The following LOC400499 variants were observed in gnomAD, a reference collection of about 807,000 sequenced individuals.
the LOC400499 span, among the ~76,000 whole-genome samples, chr16:11,486,410 AGATGGATGGATGGATGGATGGATG>A: frequency 2.4e-5 from 2 of 82,974 alleles, no homozygotes; most frequent in Non-Finnish European, 2.2e-5. Flanking sequence ...TTGAGTGAAT[AGATGGATGGATGGATGGATGGATG>A]GATGGATGGA....
At chr16:11,412,452 G>A in the LOC400499 span, among the ~76,000 whole-genome samples, 34,964 of 152,114 alleles carry the variant, frequency 0.23, 4,170 homozygotes, top group East Asian at 0.33. Flanking sequence ...TTCAACAAGT[G>A]GCTTACTCAC....
the LOC400499 span, among the ~76,000 whole-genome samples, chr16:11,496,607 G>C: frequency 6.6e-6 from 1 of 152,170 alleles, no homozygotes; most frequent in South Asian, 2.1e-4. Context: ...GTGCACACGT[G>C]TCCCCATGTG....
the LOC400499 span, chr16:11,473,211 T>G: frequency 8.6e-5 from 13 of 151,924 alleles, no homozygotes; most frequent in South Asian, 2.7e-3. Flanking sequence ...TCTAAAATTT[T>G]TTTCTGTATT....
At chr16:11,514,585 A>G in the LOC400499 span, 11 of 399,720 alleles carry the variant, frequency 2.8e-5, no homozygotes, top group Non-Finnish European at 4.9e-5. Context: ...GGATCTAGCC[A>G]TCCACAGGAC....
At chr16:11,491,785 C>T in the LOC400499 span, 1 of 399,062 alleles carries the variant, frequency 2.5e-6, no homozygotes, top group Non-Finnish European at 4.4e-6. Flanking sequence ...GCCAGGTAGG[C>T]ATTGATACGG....
the LOC400499 span, among the ~76,000 whole-genome samples, chr16:11,482,502 A>G: frequency 4.6e-5 from 7 of 152,246 alleles, no homozygotes; most frequent in Non-Finnish European, 4.4e-5. Context: ...ATGAAAATTA[A>G]GACTTCCTGC....
At chr16:11,383,498 G>A in the LOC400499 span, 8 of 918,916 alleles carry the variant, frequency 8.7e-6, no homozygotes, top group Non-Finnish European at 1.1e-5. Context: ...ATCCAAACAG[G>A]CAGTCTTAAT....
chr16:11,441,322 C>T, the LOC400499 span, among the ~76,000 whole-genome samples: 1 of 152,184 alleles, frequency 6.6e-6, no homozygotes. Context: ...ATGTGTCTTG[C>T]TCAAAGAAAG....
At chr16:11,508,110 A>G in the LOC400499 span, among the ~76,000 whole-genome samples, 1 of 152,170 alleles carries the variant, frequency 6.6e-6, no homozygotes, top group African/African-American at 2.4e-5. Flanking sequence ...ATCCAATGAC[A>G]CATCACTTTC....
the LOC400499 span, among the ~76,000 whole-genome samples, chr16:11,386,394 C>T: frequency 8.2e-4 from 125 of 152,360 alleles, no homozygotes; most frequent in African/African-American, 2.7e-3. Flanking sequence ...GAGAAGCCCA[C>T]GGTCACACAC....
chr16:11,511,698 C>T, the LOC400499 span, among the ~76,000 whole-genome samples: 1 of 152,122 alleles, frequency 6.6e-6, no homozygotes, highest in Admixed American at 6.6e-5. Context: ...GGCTAATGAG[C>T]ACAAGGTTTC....
At chr16:11,504,085 C>A in the LOC400499 span, among the ~76,000 whole-genome samples, 2 of 152,222 alleles carry the variant, frequency 1.3e-5, no homozygotes, top group African/African-American at 4.8e-5. Context: ...GGGCAAGCCT[C>A]TGGCCACAAG....
the LOC400499 span, among the ~76,000 whole-genome samples, chr16:11,467,776 A>G: frequency 6.6e-6 from 1 of 152,194 alleles, no homozygotes; most frequent in Admixed American, 6.5e-5. Flanking sequence ...TTGCAAATCT[A>G]TAAGGTTATG....
chr16:11,383,400 G>GTGAACTAATAGA, the LOC400499 span, among the ~76,000 whole-genome samples: 38 of 152,330 alleles, frequency 2.5e-4, no homozygotes, highest in African/African-American at 8.4e-4. Context: ...CTGCTCTCAT[G>GTGAACTAATAGA]TGAACTAATA....
the LOC400499 span, among the ~76,000 whole-genome samples, chr16:11,400,122 C>T: frequency 9.7e-4 from 147 of 151,916 alleles, 1 homozygote; most frequent in African/African-American, 3.4e-3. Context: ...CAGAAAGCAA[C>T]CGTGCTCCTC....
chr16:11,463,383 T>C, the LOC400499 span, among the ~76,000 whole-genome samples: 7 of 149,864 alleles, frequency 4.7e-5, 1 homozygote, highest in South Asian at 1.3e-3. Context: ...TGTGTGCGGA[T>C]GTGTGTGTAT....
chr16:11,496,362 C>T, the LOC400499 span, among the ~76,000 whole-genome samples: 69 of 152,126 alleles, frequency 4.5e-4, no homozygotes, highest in African/African-American at 1.6e-3. Context: ...CCACCACGCC[C>T]GAGCTGCCCA....
the LOC400499 span, among the ~76,000 whole-genome samples, chr16:11,379,850 C>T: frequency 3.3e-5 from 5 of 152,322 alleles, no homozygotes; most frequent in East Asian, 1.9e-4. Context: ...GGGGATTACA[C>T]GAAACATCCT....
the LOC400499 span, chr16:11,411,425 G>C: frequency 7.5e-6 from 3 of 398,176 alleles, no homozygotes; most frequent in South Asian, 1.3e-4. Flanking sequence ...CCCCGAGAGA[G>C]AGTCAGAGAG....
Sources: allele counts gnomAD v4.1 joint callset (sites outside exome capture counted in the v4.1 genomes callset), GRCh38; gene constraint gnomAD v4.1.1; transcripts MANE v1.5.